The following RBFOX3 variants were observed in gnomAD, a reference collection of about 807,000 sequenced individuals.
RBFOX3 encodes the protein RNA binding protein fox-1 homolog 3.
In RBFOX3, 17 loss-of-function variants were observed where a neutral mutation model predicts 48.7. The ratio of observed to expected loss-of-function variants is 0.35; its 90% CI spans 0.24 to 0.52. RBFOX3 has a LOEUF of 0.52. Among genes scored for constraint, RBFOX3 ranks in the 20% least tolerant of loss-of-function variants. RBFOX3 has a pLI of 0.94. For missense variants in RBFOX3, 382 were observed against 497.5 expected (o/e 0.77, Z 2.21); for synonymous variants, 212 against 209.5 (o/e 1.01, Z -0.10).
At chr17:79,317,567 C>T (rs1475317257) in intron 2 of RBFOX3, among the ~76,000 whole-genome samples, 1 of 152,230 alleles carries the variant, frequency 6.6e-6, no homozygotes, top group Non-Finnish European at 1.5e-5. Flanking sequence ...ATGCCCGTGG[C>T]AGGGCCTTCT....
chr17:79,584,295 T>A (rs1006987532), intron 1 of RBFOX3, among the ~76,000 whole-genome samples: 1 of 152,244 alleles, frequency 6.6e-6, no homozygotes, highest in Admixed American at 6.5e-5. Context: ...CTGGTGGGAA[T>A]GTAAACTAGT....
chr17:79,149,350 G>T (rs12451762), intron 4 of RBFOX3, among the ~76,000 whole-genome samples: 81,433 of 151,832 alleles, frequency 0.54, 24,735 homozygotes, highest in Admixed American at 0.68. Context: ...GGGAGTGGGG[G>T]CACGGGGGAG....
intron 5 of RBFOX3, among the ~76,000 whole-genome samples, chr17:79,112,072 C>A (rs892461111): frequency 1.3e-5 from 2 of 152,230 alleles, no homozygotes; most frequent in African/African-American, 4.8e-5. Context: ...CCCTGCCCCA[C>A]CAGGAAGGAG....
chr17:79,366,630 C>T (rs978123331), intron 2 of RBFOX3, among the ~76,000 whole-genome samples: 14 of 152,166 alleles, frequency 9.2e-5, no homozygotes, highest in African/African-American at 3.1e-4. Context: ...CGTGCACAGT[C>T]GATCCCAGCC....
At chr17:79,512,180 T>C in intron 1 of RBFOX3, among the ~76,000 whole-genome samples, 1 of 140,960 alleles carries the variant, frequency 7.1e-6, no homozygotes, top group African/African-American at 2.6e-5. Flanking sequence ...CCCGGATACA[T>C]GTTACCATCG....
chr17:79,654,719 C>T, the RBFOX3 span, among the ~76,000 whole-genome samples: 1 of 152,192 alleles, frequency 6.6e-6, no homozygotes, highest in Non-Finnish European at 1.5e-5. Context: ...TAGCACCTTG[C>T]AGGGGAGGGC....
intron 4 of RBFOX3, among the ~76,000 whole-genome samples, chr17:79,202,383 C>G (rs2056891440): frequency 6.6e-6 from 1 of 152,120 alleles, no homozygotes; most frequent in Admixed American, 6.5e-5. Flanking sequence ...CCCCTGAAAG[C>G]CCCCTCTGTG....
intron 2 of RBFOX3, among the ~76,000 whole-genome samples, chr17:79,365,935 G>T (rs1291244371): frequency 6.6e-6 from 1 of 152,238 alleles, no homozygotes. Context: ...CCACACTCTT[G>T]CACCAAAGAC....
In RBFOX3 at chr17:79,480,090, C is replaced by G. The variant is rs2078561808; in HGVS notation, c.-175+2364G>C. Among the ~76,000 whole-genome samples the G allele has an allele frequency of 6.6e-6, 1 of 152,234 alleles. No individual in the cohort carries two copies. The highest frequency in any genetic ancestry group is 1.5e-5 in the Non-Finnish European group (1 of 68,038). On this transcript the variant is annotated intron_variant, in intron 2 of 14. Coordinates refer to ENST00000693108, the MANE Select transcript of RBFOX3 (RefSeq NM_001350451.2). This position sits in a 1 kb window ranked among gnomAD's most constrained non-coding sequence, Gnocchi z 4.8. ...CACCAGTGCTGCCTTCACAGCGACA[C>G]TGCAGGGAGCCCCAGGACAGAAAGA...
At chr17:79,650,014 T>G in the RBFOX3 span, among the ~76,000 whole-genome samples, 1 of 152,252 alleles carries the variant, frequency 6.6e-6, no homozygotes, top group Non-Finnish European at 1.5e-5. Flanking sequence ...CCTGATCCAA[T>G]CACGTCCCAC....
chr17:79,302,052 A>G (rs933428904), intron 3 of RBFOX3, among the ~76,000 whole-genome samples: 2 of 152,220 alleles, frequency 1.3e-5, no homozygotes, highest in African/African-American at 4.8e-5. Flanking sequence ...TGATGTTTGC[A>G]CAACAATGCA....
At chr17:79,541,814 G>A (rs1413114618) in intron 1 of RBFOX3, among the ~76,000 whole-genome samples, 9 of 152,126 alleles carry the variant, frequency 5.9e-5, no homozygotes, top group Non-Finnish European at 1.3e-4. Context: ...CACTGACAGA[G>A]TCCCTCTTGG....
rs575513604 is a variant in RBFOX3, at chr17:79,343,833, C to T, written c.-174-36009G>A. On this transcript the variant is annotated intron_variant, in intron 2 of 14. Coordinates refer to ENST00000693108, the MANE Select transcript of RBFOX3 (RefSeq NM_001350451.2). ...GCTGAACTCAGAGGTGGAAGAACAGCCCAAAGTCACTCAGAGGAATCACGG... is the reference window on the plus strand; with the variant it reads ...GCTGAACTCAGAGGTGGAAGAACAGTCCAAAGTCACTCAGAGGAATCACGG... Among the ~76,000 whole-genome samples the T allele has an allele frequency of 7.9e-5, 12 of 152,248 alleles. No individual in the cohort carries two copies. In the South Asian group the frequency reaches 2.5e-3, roughly 32 times the overall value.
chr17:79,491,470 G>A (rs951339182), intron 1 of RBFOX3, among the ~76,000 whole-genome samples: 1 of 152,052 alleles, frequency 6.6e-6, no homozygotes, highest in African/African-American at 2.4e-5. Flanking sequence ...AGGAATCTCA[G>A]TAGGGAGGTG....
At chr17:79,222,527 C>G (rs2059859522) in intron 4 of RBFOX3, among the ~76,000 whole-genome samples, 1 of 152,252 alleles carries the variant, frequency 6.6e-6, no homozygotes, top group Admixed American at 6.5e-5. Context: ...ACCTGAGACT[C>G]TGAGCAGCAT....
intron 1 of RBFOX3, among the ~76,000 whole-genome samples, chr17:79,523,535 G>A (rs2086401208): frequency 6.6e-6 from 1 of 152,094 alleles, no homozygotes; most frequent in African/African-American, 2.4e-5. Flanking sequence ...GGAGACCCAG[G>A]TCCTCAGTGG....
At chr17:79,659,102 C>A in the RBFOX3 span, among the ~76,000 whole-genome samples, 4 of 152,136 alleles carry the variant, frequency 2.6e-5, no homozygotes, top group Admixed American at 6.5e-5. Context: ...TGAGTGGCCG[C>A]CTTGGTCACC....
chr17:79,607,688 C>T (rs1167544673), intron 1 of RBFOX3, among the ~76,000 whole-genome samples: 1 of 152,250 alleles, frequency 6.6e-6, no homozygotes, highest in Non-Finnish European at 1.5e-5. Flanking sequence ...GCACCTCCAA[C>T]TGCCACACAT....
chr17:79,122,017 C>A (rs2035879726), intron 4 of RBFOX3, among the ~76,000 whole-genome samples: 1 of 152,130 alleles, frequency 6.6e-6, no homozygotes, highest in Non-Finnish European at 1.5e-5. Flanking sequence ...CCCCATCAAA[C>A]CCATCTCTGA....
Sources: allele counts gnomAD v4.1 joint callset (sites outside exome capture counted in the v4.1 genomes callset), GRCh38; gene constraint gnomAD v4.1.1; non-coding constraint Gnocchi (gnomAD v3.1); transcripts MANE v1.5; gene names NCBI Gene and HGNC (gene_info 2026-07-23, HGNC 2026-07-21).